UBR2: variants seen among roughly 807,000 people sequenced by gnomAD.
The protein encoded by UBR2 is ubiquitin protein ligase E3 component n-recognin 2.
Under a neutral mutation model 247.9 loss-of-function variants are expected in UBR2, and 92 were observed. The ratio of observed to expected loss-of-function variants is 0.37; its 90% CI spans 0.31 to 0.44. The LOEUF is 0.44. Ranked by LOEUF, UBR2 falls within the 20% of genes least tolerant of loss-of-function variation. The probability of loss-of-function intolerance (pLI) is 1.00; values close to 1 mark genes in which losing one functional copy is unlikely to be tolerated. For synonymous variants in UBR2, 672 were observed against 693.5 expected (o/e 0.97, Z 0.49); for missense variants, 1,613 against 2,112.6 (o/e 0.76, Z 4.64).
At chr6:42,625,310 C>T (rs1401349695) in intron 11 of UBR2, among the ~76,000 whole-genome samples, 1 of 152,098 alleles carries the variant, frequency 6.6e-6, no homozygotes, top group Non-Finnish European at 1.5e-5. Context: ...ATTTAAATTT[C>T]CAATTACATT....
At chr6:42,636,982 G>C (rs1796140641) in intron 14 of UBR2, 29 bp from the exon 15 acceptor site, 2 of 1,593,332 alleles carry the variant, frequency 1.3e-6, no homozygotes, top group Non-Finnish European at 1.7e-6. Flanking sequence ...AACCTTTTGA[G>C]TAACTTACAG....
chr6:42,571,736 CA>C (rs55993422), intron 1 of UBR2, among the ~76,000 whole-genome samples: 52,303 of 82,070 alleles, frequency 0.64, 14,347 homozygotes, highest in Middle Eastern at 0.72. Context: ...GCACGAGACT[CA>C]AAAAAAAAAA....
chr6:42,590,181 A>G (rs1009166838), intron 2 of UBR2, among the ~76,000 whole-genome samples: 1 of 152,242 alleles, frequency 6.6e-6, no homozygotes, highest in African/African-American at 2.4e-5. Context: ...TACTGCATAC[A>G]CAAAACATTT....
intron 36 of UBR2, among the ~76,000 whole-genome samples, chr6:42,672,925 C>T (rs1798528703): frequency 6.6e-6 from 1 of 152,010 alleles, no homozygotes; most frequent in Admixed American, 6.5e-5. Context: ...ATTTATTGAA[C>T]CAAACATTAC....
chr6:42,622,299 G>T (rs550316136), intron 11 of UBR2, among the ~76,000 whole-genome samples: 1 of 151,338 alleles, frequency 6.6e-6, no homozygotes, highest in African/African-American at 2.4e-5. Context: ...GATTACAGGC[G>T]TGAGCCACTG....
chr6:42,626,950 T>C (rs1795384690), intron 11 of UBR2, among the ~76,000 whole-genome samples: 1 of 152,140 alleles, frequency 6.6e-6, no homozygotes, highest in Admixed American at 6.6e-5. Flanking sequence ...ACACAATGGG[T>C]TACCTTGCTC....
Position 42,644,240 on chromosome 6 carries a change from T to C in UBR2, c.2124T>C (p.Asn708=). ...LQTGVSMMDP[N]HFLMIMLSRF... ...CAGGTGTCTCCATGATGGATCCAAA[T>C]CATTTCCTGATGATCATGCTCAGCC... Residue 708 remains asparagine (N), a synonymous_variant, in exon 19 of 47, where the codon AAT becomes AAC. Coordinates refer to ENST00000372901, the MANE Select transcript of UBR2 (RefSeq NM_001363705.2). The C allele has an allele frequency of 6.2e-7, 1 of 1,609,730 alleles. No individual in the cohort carries two copies. Among genetic ancestry groups the C allele is most frequent in the East Asian group, 2.2e-5 (1 of 44,754 alleles).
chr6:42,575,054 A>G (rs144022507), intron 2 of UBR2, among the ~76,000 whole-genome samples: 91 of 152,324 alleles, frequency 6.0e-4, no homozygotes, highest in African/African-American at 2.2e-3. Context: ...TTTTAAACCT[A>G]CATACATAAA....
intron 35 of UBR2, 107 bp from the exon 36 acceptor site, chr6:42,670,553 A>C: frequency 1.3e-6 from 1 of 791,770 alleles, no homozygotes; most frequent in Non-Finnish European, 1.9e-6. Context: ...GAAACTTGAC[A>C]ATATTGTACT....
Position 42,683,043 on chromosome 6 carries a change from TTTACA to T in UBR2, c.4719-8_4719-4del. The T allele has an allele frequency of 6.2e-7, 1 of 1,611,506 alleles. No homozygotes were observed. The highest frequency in any genetic ancestry group is 8.5e-7 in the Non-Finnish European group (1 of 1,178,954). ...AGTGTTTTGTGTTTTTCCCCCTCTG[TTTACA>T]TTAAAGTTGGTGCCGTAACAGTGAA... On this transcript the variant is annotated splice_polypyrimidine_tract_variant and splice_region_variant and intron_variant, in intron 42 of 46. Coordinates refer to ENST00000372901, the MANE Select transcript of UBR2 (RefSeq NM_001363705.2).
chr6:42,677,299 A>G (rs541290653), intron 40 of UBR2, among the ~76,000 whole-genome samples: 1 of 152,206 alleles, frequency 6.6e-6, no homozygotes, highest in South Asian at 2.1e-4. Context: ...AATTCCATGT[A>G]TGGTTAGAGT....
At chr6:42,687,850 T>G (rs749495428) in intron 44 of UBR2, among the ~76,000 whole-genome samples, 1 of 152,236 alleles carries the variant, frequency 6.6e-6, no homozygotes, top group Non-Finnish European at 1.5e-5. Flanking sequence ...CAATTTTGCA[T>G]TCATTCAGCA....
intron 26 of UBR2, among the ~76,000 whole-genome samples, chr6:42,657,494 A>ATTTT (rs1797511201): frequency 6.6e-6 from 1 of 152,246 alleles, no homozygotes; most frequent in Non-Finnish European, 1.5e-5. Flanking sequence ...TTTTTCCAGA[A>ATTTT]TGGCAGCACC....
At chr6:42,670,914 A>G (rs1035326003) in intron 36 of UBR2, among the ~76,000 whole-genome samples, 199 bp downstream of exon 36, 2 of 152,232 alleles carry the variant, frequency 1.3e-5, no homozygotes, top group Non-Finnish European at 2.9e-5. Flanking sequence ...GGCCGGGCGC[A>G]GTGGCCCACG....
At chr6:42,635,625 G>A (rs1658561383) in intron 14 of UBR2, 79 bp downstream of exon 14, 1 of 1,498,912 alleles carries the variant, frequency 6.7e-7, no homozygotes, top group Non-Finnish European at 9.1e-7. Flanking sequence ...AAATTTCAAG[G>A]AGATCTGGAG....
rs115549088 is a variant in UBR2, at chr6:42,658,061, A to G, written c.2910A>G (p.Leu970=). The G allele has an allele frequency of 2.2e-4, 354 of 1,614,092 alleles. 1 individual carries two copies. The African/African-American group carries it at 4.2e-3, about 19-fold the overall frequency. Residue 970 remains leucine, a synonymous_variant, in exon 27 of 47, where the codon CTA becomes CTG. Coordinates refer to ENST00000372901, the MANE Select transcript of UBR2 (RefSeq NM_001363705.2). ...GEAPKNSPSI[L]AMLETLQNAP... ...CGCCAAAAAATTCTCCTAGCATACTAGCTATGCTGGAAACACTACAAAATG... is the reference window on the plus strand; with the variant it reads ...CGCCAAAAAATTCTCCTAGCATACTGGCTATGCTGGAAACACTACAAAATG...
chr6:42,576,765 C>T (rs1791546336), intron 2 of UBR2, among the ~76,000 whole-genome samples: 1 of 152,116 alleles, frequency 6.6e-6, no homozygotes, highest in African/African-American at 2.4e-5. Flanking sequence ...AAGTGATCCA[C>T]CTGCCTCAGC....
At chr6:42,678,956 A>C (rs1337925100) in intron 41 of UBR2, among the ~76,000 whole-genome samples, 3 of 152,256 alleles carry the variant, frequency 2.0e-5, no homozygotes, top group African/African-American at 7.2e-5. Flanking sequence ...ATGTTCAGTT[A>C]TGTATTATTC....
chr6:42,677,652 G>A (rs922331760), intron 40 of UBR2, among the ~76,000 whole-genome samples: 1 of 152,056 alleles, frequency 6.6e-6, no homozygotes, highest in Non-Finnish European at 1.5e-5. Context: ...GGTAGCATGT[G>A]CCTGTGGTTC....
Sources: gnomAD v4.1 joint callset for allele counts (sites outside exome capture counted in the v4.1 genomes callset) on GRCh38, gnomAD v4.1.1 for gene constraint, MANE v1.5 for transcripts, NCBI Gene and HGNC (gene_info 2026-07-23, HGNC 2026-07-21) for gene names.